HDGFL2: variants seen among roughly 807,000 people sequenced by gnomAD.
HDGFL2 encodes HDGF like 2, also known as hepatoma-derived growth factor-related protein 2.
Under a neutral mutation model 77.1 loss-of-function variants are expected in HDGFL2, and 36 were observed. The ratio of observed to expected loss-of-function variants is 0.47; its 90% CI spans 0.36 to 0.62. HDGFL2 has a LOEUF of 0.62. Ranked by LOEUF, HDGFL2 falls within the 20% of genes least tolerant of loss-of-function variation. The probability of loss-of-function intolerance (pLI) is 0.00; values close to 1 mark genes in which losing one functional copy is unlikely to be tolerated. For synonymous variants in HDGFL2, 463 were observed against 413.1 expected (o/e 1.12, Z -1.46); for missense variants, 976 against 973.4 (o/e 1.00, Z -0.04).
At chr19:4,477,222 G>A (rs1026443770) in intron 3 of HDGFL2, among the ~76,000 whole-genome samples, 3 of 152,126 alleles carry the variant, frequency 2.0e-5, no homozygotes, top group South Asian at 2.1e-4. Context: ...CACCTGCCAC[G>A]CACACGTGCC....
Position 4,488,636 on chromosome 19 carries a change from G to A in HDGFL2, c.289-40G>A, listed in dbSNP as rs752269932. Reference sequence around the variant, plus strand: ...AGTCCTGATGGGGAAATCCACCCACGACTGGTGGTGACGCGCGTTCTCTGC... The same window carrying A: ...AGTCCTGATGGGGAAATCCACCCACAACTGGTGGTGACGCGCGTTCTCTGC... On this transcript the variant is annotated intron_variant, in intron 3 of 15. Coordinates refer to ENST00000616600, the MANE Select transcript of HDGFL2 (RefSeq NM_001001520.3). The A allele has an allele frequency of 1.6e-5, 25 of 1,517,992 alleles. No homozygotes were observed. In the African/African-American group the frequency reaches 3.2e-4, roughly 19 times the overall value. 94.0% of individuals were successfully genotyped at this position (1,517,992 alleles called of 1,614,324 possible).
chr19:4,486,101 GTCT>G (rs983242714), intron 3 of HDGFL2, among the ~76,000 whole-genome samples: 1 of 150,264 alleles, frequency 6.7e-6, no homozygotes, highest in Non-Finnish European at 1.5e-5. Context: ...ATCTCTCTCT[GTCT>G]TCTTAAAAAA....
intron 4 of HDGFL2, among the ~76,000 whole-genome samples, chr19:4,489,909 C>T (rs1326866658): frequency 1.4e-4 from 21 of 152,148 alleles, no homozygotes; most frequent in Admixed American, 1.2e-3. Flanking sequence ...TCCTCCGCAT[C>T]CCCTCCTCTG....
chr19:4,473,553 G>T (rs540290203), intron 1 of HDGFL2, among the ~76,000 whole-genome samples: 2 of 151,998 alleles, frequency 1.3e-5, no homozygotes, highest in East Asian at 3.9e-4. Context: ...ACTCCCTTGT[G>T]GGTCCTGGAG....
Position 4,494,316 on chromosome 19 carries a change from G to A in HDGFL2, c.1065G>A (p.Glu355=), listed in dbSNP as rs1975639988. 4 of 1,427,666 alleles carry A rather than the reference G, an allele frequency of 2.8e-6. No homozygotes were observed. The highest frequency in any genetic ancestry group is 1.5e-5 in the South Asian group (1 of 66,456). The allele number at this position is 1,427,666 out of a possible 1,614,324, so 88.4% of individuals were successfully genotyped here. The part of the protein sequence containing the change: ...QEKEEKERRR[E]RADRGEAERG... ...AGGAGGAGAAGGAGCGGAGGCGCGA[G>A]CGGGCCGACCGCGGGGAGGCTGAGC... is the stretch of plus-strand genomic sequence containing the variant. The change falls in exon 9 of 16, where the codon GAG becomes GAA. Residue 355 remains glutamate, a synonymous_variant. Transcript: ENST00000616600.
chr19:4,473,777 C>A (rs1975003620), intron 1 of HDGFL2, among the ~76,000 whole-genome samples: 1 of 151,706 alleles, frequency 6.6e-6, no homozygotes, highest in African/African-American at 2.4e-5. Context: ...GGCATCGGGA[C>A]TGTTGGGGGA....
intron 1 of HDGFL2, chr19:4,474,965 T>G: frequency 3.4e-6 from 1 of 292,706 alleles, no homozygotes; most frequent in Non-Finnish European, 6.5e-6. Context: ...GTCCTGGGAG[T>G]CCATAGACGC....
intron 12 of HDGFL2, 38 bp downstream of exon 12, chr19:4,498,414 C>T (rs369439369): frequency 3.3e-5 from 50 of 1,495,146 alleles, no homozygotes; most frequent in Non-Finnish European, 4.6e-5. Context: ...GCAGTCCCCG[C>T]TGCCACCTCC....
chr19:4,498,789 C>T (rs751578015), intron 12 of HDGFL2, 25 bp from the exon 13 acceptor site: 3 of 1,546,832 alleles, frequency 1.9e-6, no homozygotes, highest in Non-Finnish European at 2.7e-6. Context: ...CAGGCCGTCT[C>T]CCTCACTCCC....
At chr19:4,484,245 G>A (rs1191718138) in intron 3 of HDGFL2, among the ~76,000 whole-genome samples, 7 of 151,540 alleles carry the variant, frequency 4.6e-5, no homozygotes, top group South Asian at 2.1e-4. Context: ...CACCAGGCCC[G>A]GCTAATTTTT....
At chr19:4,496,170 G>C in intron 9 of HDGFL2, 132 bp from the exon 10 acceptor site, 1 of 726,326 alleles carries the variant, frequency 1.4e-6, no homozygotes. Context: ...CTCCCATCCT[G>C]CCCCAGCACC....
intron 3 of HDGFL2, among the ~76,000 whole-genome samples, chr19:4,487,481 T>G (rs962221938): frequency 2.6e-5 from 4 of 151,664 alleles, no homozygotes; most frequent in Non-Finnish European, 5.9e-5. Context: ...GGTCTTGAAC[T>G]CCTGGGCTCA....
chr19:4,496,269 A>G, intron 9 of HDGFL2, 33 bp from the exon 10 acceptor site: 2 of 1,579,520 alleles, frequency 1.3e-6, no homozygotes, highest in Non-Finnish European at 1.7e-6. Context: ...CCCTCTTCCC[A>G]CTGCTCCAGC....
chr19:4,490,824 G>A (rs1043904973), intron 4 of HDGFL2, among the ~76,000 whole-genome samples: 11 of 151,064 alleles, frequency 7.3e-5, no homozygotes, highest in African/African-American at 2.7e-4. Flanking sequence ...TTTTTTGGCG[G>A]GTGGGGGATG....
chr19:4,475,256 C>T lies in HDGFL2; in HGVS notation c.73-19C>T, dbSNP rs1412344037. On this transcript the variant is annotated intron_variant, in intron 1 of 15. Coordinates refer to ENST00000616600, the MANE Select transcript of HDGFL2 (RefSeq NM_001001520.3). ...GGGTCAGTGGGTAAAGCCACCCCCT[C>T]ACTGGCCTCTCACTGCAGATCGACG... 1 of 1,611,780 alleles carries T rather than the reference C, an allele frequency of 6.2e-7. No individual in the cohort carries two copies. Among genetic ancestry groups the T allele is most frequent in the Admixed American group, 1.7e-5 (1 of 60,004 alleles).
At chr19:4,488,642 T>G in intron 3 of HDGFL2, 34 bp from the exon 4 acceptor site, 1 of 1,525,502 alleles carries the variant, frequency 6.6e-7, no homozygotes, top group East Asian at 2.5e-5. Context: ...CCACGACTGG[T>G]GGTGACGCGC....
At chr19:4,496,195 AG>A in intron 9 of HDGFL2, 106 bp from the exon 10 acceptor site, 2 of 862,668 alleles carry the variant, frequency 2.3e-6, no homozygotes, top group Non-Finnish European at 3.8e-6. Flanking sequence ...AACAGTGTGG[AG>A]GGCGACAGAA....
In HDGFL2 at chr19:4,492,853, CTG is replaced by C. The variant is rs1193142378; in HGVS notation, c.679-839_679-838del. ...GTTATCTGTGTGGTGTGTGTGTTGTCTGTGTGTGTGTGGTGTGTGTGGTGTGG... is the reference window on the plus strand; with the variant it reads ...GTTATCTGTGTGGTGTGTGTGTTGTCTGTGTGTGTGGTGTGTGTGGTGTGG... On this transcript the variant is annotated intron_variant, in intron 6 of 15. Coordinates refer to ENST00000616600, the MANE Select transcript of HDGFL2 (RefSeq NM_001001520.3). Among the ~76,000 whole-genome samples, 58 of 107,874 alleles carry C rather than the reference CTG, an allele frequency of 5.4e-4. 1 individual carries two copies. Among genetic ancestry groups the C allele is most frequent in the African/African-American group, 1.6e-3 (39 of 24,728 alleles). The allele number at this position is 107,874 out of a possible 152,430, so 70.8% of individuals were successfully genotyped here. A position where few individuals can be genotyped will look rare whatever the true frequency, so the allele number is the denominator to read the frequency against.
At chr19:4,495,439 G>A (rs559313893) in intron 9 of HDGFL2, among the ~76,000 whole-genome samples, 8 of 147,004 alleles carry the variant, frequency 5.4e-5, no homozygotes, top group East Asian at 2.0e-4. Context: ...GGGGATCTAC[G>A]AAGACTCCTG....
Sources: gnomAD v4.1 joint callset for allele counts (sites outside exome capture counted in the v4.1 genomes callset) on GRCh38, gnomAD v4.1.1 for gene constraint, MANE v1.5 for transcripts, NCBI Gene and HGNC (gene_info 2026-07-23, HGNC 2026-07-21) for gene names.